ST7: variants seen among roughly 807,000 people sequenced by gnomAD.
The protein encoded by ST7 is suppressor of tumorigenicity 7 protein.
Under a neutral mutation model 78.7 loss-of-function variants are expected in ST7, and 28 were observed. The ratio of observed to expected loss-of-function variants is 0.36; its 90% CI spans 0.26 to 0.49. The LOEUF is 0.49. Ranked by LOEUF, ST7 falls within the 20% of genes least tolerant of loss-of-function variation. The pLI, the probability that ST7 is intolerant of heterozygous loss-of-function variation, is 0.99. For synonymous variants in ST7, 247 were observed against 249.6 expected, an observed-to-expected ratio of 0.99 and a Z score of 0.10; for missense variants, 418 against 696.0, an observed-to-expected ratio of 0.60 and a Z score of 4.49.
At chr7:117,136,468 C>A (rs1584441362) in intron 8 of ST7, 3 of 605,372 alleles carry the variant, frequency 5.0e-6, no homozygotes, top group East Asian at 2.8e-5. Flanking sequence ...AGATTCCTAA[C>A]CGCAGAAATA....
intron 10 of ST7, among the ~76,000 whole-genome samples, chr7:117,181,022 C>G (rs1321901963): frequency 6.6e-6 from 1 of 152,024 alleles, no homozygotes; most frequent in African/African-American, 2.4e-5. Flanking sequence ...ATTAATATAA[C>G]TTACTTTATG....
rs1809681639 is a variant in ST7 at position 117,190,573 on chromosome 7, T to G, written c.1152-261T>G. On this transcript the variant is annotated intron_variant, in intron 11 of 15. Transcript: ENST00000323984. This position sits in a 1 kb window ranked among gnomAD's most constrained non-coding sequence, Gnocchi z 5.2. ...ACCTGAGCAGGTACCTCGTAGAAGA[T>G]TTAGATTAGCCATTTAGACAGAGAC... 6.6e-6 allele frequency among the ~76,000 whole-genome samples: 1 copy of G among 152,198 alleles called. No homozygotes were observed. The highest frequency in any genetic ancestry group is 1.5e-5 in the Non-Finnish European group (1 of 68,028).
chr7:117,208,694 C>T (rs1213875869), intron 12 of ST7, among the ~76,000 whole-genome samples: 1 of 152,220 alleles, frequency 6.6e-6, no homozygotes, highest in Non-Finnish European at 1.5e-5. Flanking sequence ...CAGGACTCTT[C>T]TACCTTTCAC....
At chr7:117,212,576 A>G (rs1379659086) in intron 13 of ST7, among the ~76,000 whole-genome samples, 1 of 152,200 alleles carries the variant, frequency 6.6e-6, no homozygotes, top group Non-Finnish European at 1.5e-5. Flanking sequence ...AAACATTTTA[A>G]ATATCGAATG....
chr7:117,088,899 C>T (rs539232733), intron 1 of ST7, among the ~76,000 whole-genome samples: 17 of 152,084 alleles, frequency 1.1e-4, no homozygotes, highest in Non-Finnish European at 1.6e-4. Flanking sequence ...CTGAGCAATC[C>T]AAACATTTCA....
At chr7:117,011,796 G>A (rs983695977) in intron 1 of ST7, among the ~76,000 whole-genome samples, 22 of 152,152 alleles carry the variant, frequency 1.4e-4, no homozygotes, top group Non-Finnish European at 1.9e-4. Flanking sequence ...AGAGGACTAT[G>A]ATGTGATTGT....
chr7:117,167,071 G>GTT (rs140708090), intron 9 of ST7, among the ~76,000 whole-genome samples: 4 of 149,688 alleles, frequency 2.7e-5, no homozygotes, highest in African/African-American at 7.4e-5. Context: ...TTTTTACTTT[G>GTT]TTTTTTTTAA....
intron 1 of ST7, among the ~76,000 whole-genome samples, chr7:117,008,109 C>CA (rs1795229986): frequency 6.6e-6 from 1 of 151,982 alleles, no homozygotes; most frequent in Non-Finnish European, 1.5e-5. Flanking sequence ...AGGCTAATGA[C>CA]AAAAAAAGTC....
intron 1 of ST7, chr7:117,098,628 G>T: frequency 3.2e-6 from 1 of 311,368 alleles, no homozygotes; most frequent in Non-Finnish European, 5.9e-6. Context: ...AATATTTGTT[G>T]AATGAGTGAA....
At position 117,002,898 on chromosome 7, in the gene ST7, C is replaced by T. The variant is rs562575506; in HGVS notation, c.151+49207C>T. ...GAGTGCAAGGGCCAATCTCGGCTCA[C>T]TGCTAACTCTGCCTCCCAGGTTCAA... On this transcript the variant is annotated intron_variant, in intron 1 of 15. Coordinates refer to ENST00000323984, the MANE Select transcript of ST7 (RefSeq NM_001369598.1). 3.4e-3 allele frequency among the ~76,000 whole-genome samples: 455 copies of T among 132,106 alleles called. 4 individuals are homozygous for T. The highest frequency in any genetic ancestry group is 4.5e-3 in the Non-Finnish European group (291 of 64,446). 86.7% of individuals were successfully genotyped at this position (132,106 alleles called of 152,430 possible).
chr7:117,147,757 A>T (rs1199781885), intron 9 of ST7, among the ~76,000 whole-genome samples: 1 of 151,374 alleles, frequency 6.6e-6, no homozygotes, highest in Non-Finnish European at 1.5e-5. Flanking sequence ...CTCCCCCTCT[A>T]TCCTCTGTGT....
chr7:117,101,537 C>T (rs550721797), intron 2 of ST7, among the ~76,000 whole-genome samples: 1 of 152,330 alleles, frequency 6.6e-6, no homozygotes, highest in Non-Finnish European at 1.5e-5. Context: ...AACCAACCAA[C>T]TTCATTATAT....
At chr7:117,011,345 G>C (rs1228702362) in intron 1 of ST7, among the ~76,000 whole-genome samples, 1 of 152,184 alleles carries the variant, frequency 6.6e-6, no homozygotes, top group Non-Finnish European at 1.5e-5. Flanking sequence ...TGGCAGGATA[G>C]AAGAGGGGAC....
intron 1 of ST7, among the ~76,000 whole-genome samples, chr7:117,064,778 C>CT (rs1798541877): frequency 2.0e-5 from 3 of 152,144 alleles, no homozygotes; most frequent in Admixed American, 1.3e-4. Context: ...AGAGATGTGT[C>CT]TGTAGGAGAG....
intron 1 of ST7, among the ~76,000 whole-genome samples, chr7:117,085,630 G>A (rs1000273915): frequency 8.5e-5 from 13 of 152,072 alleles, no homozygotes; most frequent in Admixed American, 1.3e-4. Context: ...GTGTTCCTTC[G>A]GCTTTTTGCA....
chr7:116,985,197 G>A (rs1335294552), intron 1 of ST7, among the ~76,000 whole-genome samples: 3 of 152,072 alleles, frequency 2.0e-5, no homozygotes, highest in African/African-American at 7.2e-5. Context: ...TAAAAGTTTG[G>A]ATCACTTTGT....
chr7:116,996,082 G>GTTTTTT (rs71148355), intron 1 of ST7, among the ~76,000 whole-genome samples: 5 of 130,294 alleles, frequency 3.8e-5, no homozygotes, highest in Admixed American at 7.9e-5. Flanking sequence ...CAGATTCCCC[G>GTTTTTT]TTTTTTTTTT....
chr7:117,169,804 C>CTTT (rs757197865), intron 9 of ST7, among the ~76,000 whole-genome samples: 9 of 131,556 alleles, frequency 6.8e-5, no homozygotes, highest in African/African-American at 1.2e-4. Context: ...CTTAGCAATC[C>CTTT]TTTTTTTTTT....
intron 1 of ST7, among the ~76,000 whole-genome samples, chr7:117,033,001 C>A (rs1484000003): frequency 6.6e-6 from 1 of 152,158 alleles, no homozygotes; most frequent in Non-Finnish European, 1.5e-5. Flanking sequence ...TACTATGTTG[C>A]TTTGGGCATC....
Sources: allele counts gnomAD v4.1 joint callset (sites outside exome capture counted in the v4.1 genomes callset), GRCh38; gene constraint gnomAD v4.1.1; non-coding constraint Gnocchi (gnomAD v3.1); transcripts MANE v1.5; gene names NCBI Gene and HGNC (gene_info 2026-07-23, HGNC 2026-07-21).